The following UVRAG variants were observed in gnomAD, a reference collection of about 807,000 sequenced individuals.
The protein encoded by UVRAG is UV radiation resistance associated.
A neutral mutation model predicts 78.0 loss-of-function variants in UVRAG; 19 were observed. The ratio of observed to expected loss-of-function variants is 0.24; its 90% CI spans 0.17 to 0.36. The LOEUF (loss-of-function observed/expected upper bound fraction) is 0.36, where lower values mean the gene tolerates loss of function less well. Ranked by LOEUF, UVRAG falls within the 10% of genes least tolerant of loss-of-function variation. The pLI is 1.00. For synonymous variants in UVRAG, 323 were observed against 324.6 expected, an observed-to-expected ratio of 1.00 and a Z score of 0.05; for missense variants, 740 against 853.8, an observed-to-expected ratio of 0.87 and a Z score of 1.66.
chr11:76,057,631 T>C (rs1264476744), intron 12 of UVRAG, among the ~76,000 whole-genome samples: 1 of 152,180 alleles, frequency 6.6e-6, no homozygotes, highest in Non-Finnish European at 1.5e-5. Context: ...CACGTGCCTA[T>C]GGCCTGCCTT....
chr11:75,880,928 CTTTTTTTTTTTTT>C (rs773034018), intron 4 of UVRAG, among the ~76,000 whole-genome samples: 27 of 87,708 alleles, frequency 3.1e-4, no homozygotes, highest in African/African-American at 8.1e-4. Flanking sequence ...TTATTTACTT[CTTTTTTTTTTTTT>C]TTTTTTTTTT....
intron 1 of UVRAG, among the ~76,000 whole-genome samples, chr11:75,831,915 G>A (rs1242067749): frequency 2.0e-5 from 3 of 152,124 alleles, no homozygotes; most frequent in African/African-American, 7.2e-5. Flanking sequence ...CTGACACAAA[G>A]CTGATTTTTA....
chr11:75,996,514 G>T (rs1293352340), intron 8 of UVRAG, among the ~76,000 whole-genome samples: 1 of 152,078 alleles, frequency 6.6e-6, no homozygotes. Flanking sequence ...AGAACAACAG[G>T]TACAGGAGGT....
intron 12 of UVRAG, among the ~76,000 whole-genome samples, chr11:76,056,283 A>G (rs1950983734): frequency 1.3e-5 from 2 of 152,324 alleles, no homozygotes; most frequent in Non-Finnish European, 2.9e-5. Context: ...GTTTTTGGCT[A>G]TTGTGAGTAA....
intron 6 of UVRAG, among the ~76,000 whole-genome samples, chr11:75,950,221 C>T (rs946537110): frequency 2.6e-5 from 4 of 152,084 alleles, no homozygotes; most frequent in African/African-American, 9.7e-5. Flanking sequence ...GAACACCTTA[C>T]ACAAGTTTTT....
intron 12 of UVRAG, among the ~76,000 whole-genome samples, chr11:76,049,143 T>G (rs1160209395): frequency 6.6e-6 from 1 of 152,232 alleles, no homozygotes; most frequent in African/African-American, 2.4e-5. Flanking sequence ...CCATGTCTCA[T>G]CTACCTGCTG....
intron 12 of UVRAG, among the ~76,000 whole-genome samples, chr11:76,038,992 C>T (rs1002902927): frequency 6.6e-6 from 1 of 152,214 alleles, no homozygotes; most frequent in Non-Finnish European, 1.5e-5. Context: ...GAGCAGAGAA[C>T]TCATTTATAC....
intron 12 of UVRAG, among the ~76,000 whole-genome samples, chr11:76,063,963 G>A (rs1951140179): frequency 6.6e-6 from 1 of 152,194 alleles, no homozygotes; most frequent in Admixed American, 6.5e-5. Flanking sequence ...TCAACTTCAA[G>A]TGACCTAAGA....
intron 12 of UVRAG, among the ~76,000 whole-genome samples, chr11:76,043,711 A>G (rs1317623507): frequency 6.6e-6 from 1 of 152,188 alleles, no homozygotes; most frequent in Non-Finnish European, 1.5e-5. Context: ...TAGAATTCTG[A>G]CTCCCAAGTT....
intron 7 of UVRAG, among the ~76,000 whole-genome samples, chr11:75,965,184 T>A (rs1948993391): frequency 6.6e-6 from 1 of 152,262 alleles, no homozygotes; most frequent in South Asian, 2.1e-4. Flanking sequence ...TGTGGAGAAT[T>A]GCTATCTTAA....
intron 8 of UVRAG, among the ~76,000 whole-genome samples, chr11:75,989,394 CTGGAAACACTCCCCA>C: frequency 6.6e-6 from 1 of 152,232 alleles, no homozygotes; most frequent in Non-Finnish European, 1.5e-5. Context: ...GCATTGTGGC[CTGGAAACACTCCCCA>C]TGTAGTGATT....
At chr11:75,828,546 G>C (rs1395440082) in intron 1 of UVRAG, among the ~76,000 whole-genome samples, 1 of 150,996 alleles carries the variant, frequency 6.6e-6, no homozygotes, top group Non-Finnish European at 1.5e-5. Context: ...GCGCAATCAT[G>C]GTTCACCTGC....
At chr11:76,027,000 G>A (rs1372029643) in intron 12 of UVRAG, among the ~76,000 whole-genome samples, 1 of 151,712 alleles carries the variant, frequency 6.6e-6, no homozygotes, top group Non-Finnish European at 1.5e-5. Context: ...CAGAATTGTA[G>A]ACTTACTGTG....
chr11:75,928,754 A>G (rs1948166471), intron 6 of UVRAG, among the ~76,000 whole-genome samples: 1 of 151,710 alleles, frequency 6.6e-6, no homozygotes, highest in African/African-American at 2.4e-5. Context: ...CCTGGCTAAC[A>G]TGGTGAAACC....
rs186012798 is a variant in UVRAG, at chr11:76,005,227, C to T, written c.911+1138C>T. 4.7e-4 allele frequency among the ~76,000 whole-genome samples: 71 copies of T among 152,248 alleles called. No homozygotes were observed. The East Asian group carries it at 0.013, about 28-fold the overall frequency. On this transcript the variant is annotated intron_variant, in intron 9 of 14. Coordinates refer to ENST00000356136, the MANE Select transcript of UVRAG (RefSeq NM_003369.4). ...GTGTGGTGGCGGATGCCTATAGTCC[C>T]AGCTACTCGGGAGGCTGAGGCAGGA...
intron 9 of UVRAG, 70 bp downstream of exon 9, chr11:76,004,159 A>G (rs1449510760): frequency 3.4e-6 from 5 of 1,477,634 alleles, no homozygotes; most frequent in Non-Finnish European, 4.7e-6. Context: ...AAAAAGTAGC[A>G]TTCTTTAAAG....
chr11:76,063,637 TATA>T (rs1256345326), intron 12 of UVRAG, among the ~76,000 whole-genome samples: 2 of 152,346 alleles, frequency 1.3e-5, no homozygotes, highest in East Asian at 1.9e-4. Flanking sequence ...TTTAATTGAA[TATA>T]ATAATAAATT....
intron 13 of UVRAG, among the ~76,000 whole-genome samples, chr11:76,087,361 T>C (rs764165151): frequency 4.6e-5 from 7 of 152,250 alleles, no homozygotes; most frequent in Non-Finnish European, 1.0e-4. Context: ...TACTTTGTTT[T>C]CTTTTCCTTA....
intron 13 of UVRAG, among the ~76,000 whole-genome samples, chr11:76,081,321 T>C (rs1329024933): frequency 6.6e-6 from 1 of 152,056 alleles, no homozygotes; most frequent in South Asian, 2.1e-4. Flanking sequence ...TTCTCCTACC[T>C]CAGCCTCCCG....
Sources: gnomAD v4.1 joint callset for allele counts (sites outside exome capture counted in the v4.1 genomes callset) on GRCh38, gnomAD v4.1.1 for gene constraint, MANE v1.5 for transcripts, NCBI Gene and HGNC (gene_info 2026-07-23, HGNC 2026-07-21) for gene names.